Variants in CDK19 observed in about 807,000 individuals in gnomAD.
CDK19 encodes the protein cyclin-dependent kinase 19.
A neutral mutation model predicts 68.3 loss-of-function variants in CDK19; 20 were observed. The ratio of observed to expected loss-of-function variants is 0.29; its 90% CI spans 0.21 to 0.43. The LOEUF (loss-of-function observed/expected upper bound fraction) is 0.43. Ranked by LOEUF, CDK19 falls within the 20% of genes least tolerant of loss-of-function variation. The probability of loss-of-function intolerance (pLI) is 1.00; values close to 1 mark genes in which losing one functional copy is unlikely to be tolerated. For missense variants in CDK19, 339 were observed against 623.5 expected (o/e 0.54, Z 4.86); for synonymous variants, 221 against 222.8 (o/e 0.99, Z 0.07).
intron 2 of CDK19, among the ~76,000 whole-genome samples, chr6:110,731,313 T>G (rs1409883750): frequency 1.3e-5 from 2 of 152,134 alleles, no homozygotes; most frequent in African/African-American, 4.8e-5. Flanking sequence ...TTCACAACCT[T>G]CAGTGTGGGA....
chr6:110,802,403 T>C (rs968800759), intron 1 of CDK19, among the ~76,000 whole-genome samples: 1 of 148,848 alleles, frequency 6.7e-6, no homozygotes, highest in African/African-American at 2.5e-5. Context: ...GAGGCCATTA[T>C]CCTAAGTGAA....
chr6:110,781,180 A>G (rs1780787851), intron 1 of CDK19, among the ~76,000 whole-genome samples: 1 of 152,230 alleles, frequency 6.6e-6, no homozygotes, highest in South Asian at 2.1e-4. Flanking sequence ...CATATAAGAA[A>G]CATGGCACCA....
chr6:110,751,741 A>C (rs530082135), intron 1 of CDK19, among the ~76,000 whole-genome samples: 15 of 152,266 alleles, frequency 9.9e-5, no homozygotes, highest in African/African-American at 3.6e-4. Context: ...AGTCAAATTC[A>C]AATCATGAAA....
At chr6:110,672,818 A>G (rs942783702) in intron 2 of CDK19, among the ~76,000 whole-genome samples, 1 of 152,188 alleles carries the variant, frequency 6.6e-6, no homozygotes, top group African/African-American at 2.4e-5. Context: ...GGCATAAAAG[A>G]AAAATTTTTT....
intron 2 of CDK19, among the ~76,000 whole-genome samples, chr6:110,724,890 T>A (rs1776214420): frequency 6.6e-6 from 1 of 152,096 alleles, no homozygotes; most frequent in Admixed American, 6.6e-5. Flanking sequence ...ACAAAATTAC[T>A]CAGAATTCTA....
intron 2 of CDK19, among the ~76,000 whole-genome samples, chr6:110,728,181 A>G (rs1776472936): frequency 6.6e-6 from 1 of 151,686 alleles, no homozygotes; most frequent in Non-Finnish European, 1.5e-5. Flanking sequence ...CTAGCTACTC[A>G]GGAGGCTAAG....
At chr6:110,653,642 T>C (rs1436678028) in intron 4 of CDK19, among the ~76,000 whole-genome samples, 4 of 152,164 alleles carry the variant, frequency 2.6e-5, no homozygotes, top group African/African-American at 9.7e-5. Context: ...ATCAGATAGA[T>C]AAACCAATGC....
In CDK19 at chr6:110,769,577, A is replaced by AAT. The variant is rs1562273723; in HGVS notation, c.129-23377_129-23376insAT. On this transcript the variant is annotated intron_variant, in intron 1 of 12. Coordinates refer to ENST00000368911, the MANE Select transcript of CDK19 (RefSeq NM_015076.5). Reference sequence around the variant, plus strand: ...AAGATTCCATCTCAAAAAAAAAAAAAAATAATAATAATAATAATAATAGGG... The same window carrying AAT: ...AAGATTCCATCTCAAAAAAAAAAAAAATAATAATAATAATAATAATAATAGGG... Among the ~76,000 whole-genome samples, 730 of 146,348 alleles carry AAT rather than the reference A, an allele frequency of 5.0e-3. 6 individuals are homozygous for AAT. The highest frequency in any genetic ancestry group is 0.017 in the African/African-American group (680 of 39,412).
In CDK19 at chr6:110,653,574, T is replaced by C. The variant is rs1330885404; in HGVS notation, c.456+13860A>G. Among the ~76,000 whole-genome samples the C allele has an allele frequency of 2.6e-5, 4 of 152,142 alleles. No homozygotes were observed. The South Asian group carries it at 6.2e-4, about 24-fold the overall frequency. ...CTGGGTTTGCACACTTTGGTTACCA[T>C]AGAAACAGTAGAAATGGCAAGAGTT... On this transcript the variant is annotated intron_variant, in intron 4 of 12. Transcript: ENST00000368911.
chr6:110,625,959 A>G (rs1309768478), intron 8 of CDK19, among the ~76,000 whole-genome samples: 1 of 152,168 alleles, frequency 6.6e-6, no homozygotes, highest in Admixed American at 6.5e-5. Context: ...TATAACAAAC[A>G]CCTCACATGC....
chr6:110,689,046 T>C (rs967220602), intron 2 of CDK19, among the ~76,000 whole-genome samples: 8 of 152,144 alleles, frequency 5.3e-5, no homozygotes, highest in Non-Finnish European at 1.2e-4. Flanking sequence ...AGCCTGAACT[T>C]AGCTCATTGC....
At chr6:110,660,960 C>T (rs1264434621) in intron 4 of CDK19, among the ~76,000 whole-genome samples, 1 of 152,190 alleles carries the variant, frequency 6.6e-6, no homozygotes, top group Non-Finnish European at 1.5e-5. Flanking sequence ...AATTTCCCTG[C>T]CTCCTGTCCC....
intron 1 of CDK19, among the ~76,000 whole-genome samples, chr6:110,798,193 A>G (rs1259727601): frequency 1.3e-5 from 2 of 152,092 alleles, no homozygotes; most frequent in Non-Finnish European, 2.9e-5. Context: ...GTGTAACAGA[A>G]GGGTAGATTA....
At chr6:110,751,193 T>C (rs1399025140) in intron 1 of CDK19, among the ~76,000 whole-genome samples, 1 of 152,194 alleles carries the variant, frequency 6.6e-6, no homozygotes, top group East Asian at 1.9e-4. Flanking sequence ...CACAGATCCC[T>C]ACCAGTTGGT....
At chr6:110,677,376 A>T (rs1048594349) in intron 2 of CDK19, among the ~76,000 whole-genome samples, 2 of 152,086 alleles carry the variant, frequency 1.3e-5, no homozygotes, top group South Asian at 4.1e-4. Flanking sequence ...ATTCTGGCTA[A>T]CATGGTGAAA....
In CDK19 at chr6:110,625,186, G is replaced by A. The variant is rs1358314761; in HGVS notation, c.860+1590C>T. Among the ~76,000 whole-genome samples, 4 of 152,114 alleles carry A rather than the reference G, an allele frequency of 2.6e-5. 1 individual carries two copies. The highest frequency in any genetic ancestry group is 9.7e-5 in the African/African-American group (4 of 41,426). On this transcript the variant is annotated intron_variant, in intron 8 of 12. Coordinates refer to ENST00000368911, the MANE Select transcript of CDK19 (RefSeq NM_015076.5). ...CAACCTGAGCATCACCTGAGAGCCTGCATTAGAAATGAAGGTTCTCAGTTC... is the reference window on the plus strand; with the variant it reads ...CAACCTGAGCATCACCTGAGAGCCTACATTAGAAATGAAGGTTCTCAGTTC...
intron 1 of CDK19, among the ~76,000 whole-genome samples, chr6:110,774,808 A>T (rs1583071273): frequency 6.6e-6 from 1 of 152,208 alleles, no homozygotes; most frequent in East Asian, 1.9e-4. Flanking sequence ...AACTAGCTGG[A>T]CATGGCAGTG....
intron 7 of CDK19, 27 bp downstream of exon 7, chr6:110,626,975 A>G (rs374607757): frequency 1.3e-6 from 2 of 1,581,318 alleles, no homozygotes; most frequent in Non-Finnish European, 8.6e-7. Flanking sequence ...GACTCAAAAT[A>G]TGACTTTAAA....
At chr6:110,776,772 A>G (rs957703371) in intron 1 of CDK19, among the ~76,000 whole-genome samples, 2 of 152,244 alleles carry the variant, frequency 1.3e-5, no homozygotes, top group Admixed American at 1.3e-4. Context: ...AATATTACAT[A>G]TAATCCTGAA....
Sources: allele counts gnomAD v4.1 joint callset (sites outside exome capture counted in the v4.1 genomes callset), GRCh38; gene constraint gnomAD v4.1.1; transcripts MANE v1.5; gene names NCBI Gene and HGNC (gene_info 2026-07-23, HGNC 2026-07-21).